ANP32B: variants seen among roughly 807,000 people sequenced by gnomAD.
ANP32B encodes the protein acidic leucine-rich nuclear phosphoprotein 32 family member B.
ANP32B carries 6 observed loss-of-function variants against 32.2 expected under a neutral mutation model. The observed-to-expected ratio is 0.19, with a 90% confidence interval of 0.10 to 0.37. The LOEUF (loss-of-function observed/expected upper bound fraction) is 0.37. Among genes scored for constraint, ANP32B ranks in the 10% least tolerant of loss-of-function variants. ANP32B has a pLI of 1.00. For synonymous variants in ANP32B, 98 were observed against 105.8 expected (o/e 0.93, Z 0.45); for missense variants, 204 against 289.2 (o/e 0.71, Z 2.14).
intron 1 of ANP32B, among the ~76,000 whole-genome samples, chr9:97,990,380 A>T (rs1345431800): frequency 6.6e-6 from 1 of 152,222 alleles, no homozygotes; most frequent in Admixed American, 6.5e-5. Flanking sequence ...CTGATGGAAC[A>T]TTTAGACCTG....
At chr9:97,999,997 TG>T (rs1166010272) in intron 3 of ANP32B, among the ~76,000 whole-genome samples, 1 of 152,232 alleles carries the variant, frequency 6.6e-6, no homozygotes, top group Non-Finnish European at 1.5e-5. Flanking sequence ...AATGCTCTGT[TG>T]ATACTTGAGG....
intron 6 of ANP32B, among the ~76,000 whole-genome samples, chr9:98,014,407 C>CAA (rs1002349531): frequency 6.6e-4 from 87 of 131,746 alleles, no homozygotes; most frequent in African/African-American, 2.3e-3. Flanking sequence ...GAGTCTGTCT[C>CAA]AAAAAAAAAA....
intron 1 of ANP32B, among the ~76,000 whole-genome samples, chr9:97,992,314 C>A (rs554557402): frequency 3.9e-5 from 6 of 152,132 alleles, no homozygotes; most frequent in Non-Finnish European, 7.4e-5. Flanking sequence ...GTCTTGAACT[C>A]CTGACCTTAG....
At chr9:97,984,121 G>C (rs1251899638) in intron 1 of ANP32B, among the ~76,000 whole-genome samples, 2 of 149,864 alleles carry the variant, frequency 1.3e-5, no homozygotes, top group East Asian at 2.0e-4. Flanking sequence ...CGTGGGCGCC[G>C]GCCCGGCCGA....
intron 6 of ANP32B, among the ~76,000 whole-genome samples, chr9:98,014,679 C>T (rs1024069122): frequency 6.6e-6 from 1 of 152,166 alleles, no homozygotes; most frequent in Non-Finnish European, 1.5e-5. Flanking sequence ...ATGAAAAAGG[C>T]TTAAAGAGGT....
Position 98,011,300 on chromosome 9 carries a change from G to A in ANP32B, c.547G>A (p.Glu183Lys). 6.5e-7 allele frequency: 1 copy of A among 1,549,820 alleles called. No homozygotes were observed. Among genetic ancestry groups the A allele is most frequent in the Non-Finnish European group, 8.7e-7 (1 of 1,144,598 alleles). Reference sequence around the variant, plus strand: ...AGAAGATGAGGAAGACGAGGACGATGAGGATGGTGAAGAAGAGGAGTTTGA... The same window carrying A: ...AGAAGATGAGGAAGACGAGGACGATAAGGATGGTGAAGAAGAGGAGTTTGA... ...EGEDEEDEDD[E>K]DGEEEEFDEE... Residue 183 changes from glutamate to lysine, a missense_variant, in exon 5 of 7, where the codon GAG becomes AAG. By Grantham distance (56) the Glu-to-Lys change is moderately conservative (BLOSUM62 1). Coordinates refer to ENST00000339399, the MANE Select transcript of ANP32B (RefSeq NM_006401.3).
At chr9:97,999,528 G>A (rs1419124877) in intron 3 of ANP32B, among the ~76,000 whole-genome samples, 1 of 152,104 alleles carries the variant, frequency 6.6e-6, no homozygotes, top group Non-Finnish European at 1.5e-5. Flanking sequence ...TTACATATTG[G>A]GATAAGATAT....
intron 1 of ANP32B, 92 bp from the exon 2 acceptor site, chr9:97,994,539 T>G: frequency 7.3e-7 from 1 of 1,361,884 alleles, no homozygotes; most frequent in Non-Finnish European, 1.0e-6. Context: ...ATATGGGTGT[T>G]TTTGCAGGAT....
chr9:97,985,169 G>T (rs908233309), intron 1 of ANP32B, among the ~76,000 whole-genome samples: 1 of 151,094 alleles, frequency 6.6e-6, no homozygotes, highest in Non-Finnish European at 1.5e-5. Context: ...GGGGCCTCCC[G>T]ACCCGCTCTG....
chr9:97,996,768 A>AT (rs879427925), intron 2 of ANP32B, among the ~76,000 whole-genome samples: 111 of 144,290 alleles, frequency 7.7e-4, no homozygotes, highest in Middle Eastern at 3.5e-3. Context: ...TACTTTTTGT[A>AT]TTTTTTTTTT....
At chr9:98,003,943 T>C (rs1427730374) in intron 3 of ANP32B, among the ~76,000 whole-genome samples, 2 of 152,234 alleles carry the variant, frequency 1.3e-5, no homozygotes, top group Non-Finnish European at 2.9e-5. Flanking sequence ...TTGCCTTTCA[T>C]AGGCTGCTCC....
chr9:98,014,962 A>G (rs912744846), intron 6 of ANP32B, among the ~76,000 whole-genome samples: 14 of 152,320 alleles, frequency 9.2e-5, no homozygotes, highest in African/African-American at 3.4e-4. Context: ...CATGTTGGCC[A>G]GGGTGGTCTG....
intron 4 of ANP32B, among the ~76,000 whole-genome samples, chr9:98,006,417 G>A (rs544478462): frequency 6.6e-5 from 10 of 151,818 alleles, no homozygotes; most frequent in East Asian, 3.9e-4. Context: ...CCTCTTTCCC[G>A]CACTGCGTAT....
chr9:98,007,887 G>T (rs780015979), intron 4 of ANP32B, among the ~76,000 whole-genome samples: 35 of 152,180 alleles, frequency 2.3e-4, no homozygotes, highest in Non-Finnish European at 3.2e-4. Flanking sequence ...AGAGAAGCGA[G>T]ATGGCGTTCT....
intron 2 of ANP32B, 97 bp from the exon 3 acceptor site, chr9:97,998,449 GATCTTGATAA>G: frequency 8.0e-7 from 1 of 1,252,632 alleles, no homozygotes; most frequent in Non-Finnish European, 1.1e-6. Flanking sequence ...GGGATCATTT[GATCTTGATAA>G]ATCTTTGAGA....
intron 2 of ANP32B, 38 bp from the exon 3 acceptor site, chr9:97,998,518 T>A (rs1370236791): frequency 1.9e-6 from 3 of 1,574,546 alleles, no homozygotes; most frequent in Non-Finnish European, 2.6e-6. Context: ...TTTCTCTGTG[T>A]GTATTTGTGT....
chr9:98,007,286 T>C (rs1828102223), intron 4 of ANP32B, among the ~76,000 whole-genome samples: 1 of 152,178 alleles, frequency 6.6e-6, no homozygotes, highest in Non-Finnish European at 1.5e-5. Flanking sequence ...CATGAACTTT[T>C]AGGAGAGGCT....
At chr9:98,007,328 T>C (rs1232565648) in intron 4 of ANP32B, among the ~76,000 whole-genome samples, 1 of 152,194 alleles carries the variant, frequency 6.6e-6, no homozygotes, top group East Asian at 1.9e-4. Flanking sequence ...AGGTGGCACA[T>C]GTTCCTCTTT....
In ANP32B at chr9:98,011,270, G is replaced by A. The variant is rs1245048315; in HGVS notation, c.518-1G>A. 1.3e-6 allele frequency: 2 copies of A among 1,551,238 alleles called. No homozygotes were observed. Among genetic ancestry groups the A allele is most frequent in the Admixed American group, 2.0e-5 (1 of 50,850 alleles). On this transcript the variant is annotated splice_acceptor_variant, in intron 4 of 6. Coordinates refer to ENST00000339399, the MANE Select transcript of ANP32B (RefSeq NM_006401.3). LOFTEE classifies it high-confidence loss of function. ...ATGAATCCCTTTTGGACTATTTTTA[G>A]AAGGAGAAGATGAGGAAGACGAGGA...
Sources: allele counts gnomAD v4.1 joint callset (sites outside exome capture counted in the v4.1 genomes callset), GRCh38; gene constraint gnomAD v4.1.1; transcripts MANE v1.5; gene names NCBI Gene and HGNC (gene_info 2026-07-23, HGNC 2026-07-21).